Variants in MTHFS observed in about 807,000 individuals in gnomAD.
MTHFS encodes 5-formyltetrahydrofolate cyclo-ligase.
In MTHFS, 7 loss-of-function variants were observed where a neutral mutation model predicts 12.7. That is an observed-to-expected ratio of 0.55 (90% confidence interval 0.31 to 1.03). MTHFS has a LOEUF of 1.03. MTHFS is among the 50% of genes least tolerant of loss of function. MTHFS has a pLI of 0.05. For synonymous variants in MTHFS, 100 were observed against 97.1 expected, an observed-to-expected ratio of 1.03 and a Z score of -0.18; for missense variants, 252 against 258.1, an observed-to-expected ratio of 0.98 and a Z score of 0.16.
intron 2 of MTHFS, among the ~76,000 whole-genome samples, chr15:79,875,140 G>A (rs2034169358): frequency 6.6e-6 from 1 of 152,068 alleles, no homozygotes. Context: ...AGTAAAGACA[G>A]GTGTAAGAAA....
intron 2 of MTHFS, among the ~76,000 whole-genome samples, chr15:79,885,568 A>C (rs770554172): frequency 5.3e-5 from 8 of 152,160 alleles, no homozygotes; most frequent in African/African-American, 7.2e-5. Context: ...GTCAATCCGC[A>C]CTTCTTTTCT....
At chr15:79,882,862 A>AG (rs2141371403) in intron 2 of MTHFS, among the ~76,000 whole-genome samples, 1 of 152,346 alleles carries the variant, frequency 6.6e-6, no homozygotes, top group South Asian at 2.1e-4. Flanking sequence ...TTATTCCCCC[A>AG]GGCAGGCCCA....
intron 1 of MTHFS, among the ~76,000 whole-genome samples, chr15:79,893,090 G>C (rs2034502286): frequency 6.6e-6 from 1 of 152,010 alleles, no homozygotes; most frequent in South Asian, 2.1e-4. Flanking sequence ...ACTCATTATA[G>C]TTACAGAACA....
chr15:79,856,997 CTTT>C (rs558340769), intron 2 of MTHFS, among the ~76,000 whole-genome samples: 2 of 131,140 alleles, frequency 1.5e-5, no homozygotes, highest in Admixed American at 7.6e-5. Flanking sequence ...CGCAAAGTCA[CTTT>C]TTTTTTTTTT....
chr15:79,855,688 G>A (rs993989336), intron 2 of MTHFS, among the ~76,000 whole-genome samples: 2 of 151,974 alleles, frequency 1.3e-5, no homozygotes, highest in African/African-American at 4.8e-5. Flanking sequence ...CCTCAAGGAG[G>A]CCTCAGTGTC....
intron 2 of MTHFS, among the ~76,000 whole-genome samples, chr15:79,885,029 G>T (rs957003917): frequency 1.3e-5 from 2 of 152,194 alleles, no homozygotes; most frequent in Middle Eastern, 3.2e-3. Flanking sequence ...AGGATATCAT[G>T]ACTCCATCAA....
At chr15:79,896,197 G>A (rs62028021) in intron 1 of MTHFS, among the ~76,000 whole-genome samples, 11,136 of 152,244 alleles carry the variant, frequency 0.073, 450 homozygotes, top group Non-Finnish European at 0.088. Flanking sequence ...GGATATGATA[G>A]CCAAGTCTTC....
chr15:79,859,251 T>A (rs1008347483), intron 2 of MTHFS, among the ~76,000 whole-genome samples: 2 of 152,220 alleles, frequency 1.3e-5, no homozygotes, highest in Non-Finnish European at 2.9e-5. Flanking sequence ...AAAATAAATT[T>A]AGAATAGTCA....
At chr15:79,880,791 C>CAAAAA in intron 2 of MTHFS, among the ~76,000 whole-genome samples, 1 of 106,742 alleles carries the variant, frequency 9.4e-6, no homozygotes. Flanking sequence ...AGTAGTAAAG[C>CAAAAA]AAAAAAAAAA....
chr15:79,889,230 G>A lies in MTHFS; in HGVS notation c.242C>T (p.Pro81Leu), dbSNP rs750049871. Residue 81 changes from proline to leucine, a missense_variant, in exon 2 of 3, where the codon CCT (proline) becomes CTT (leucine). By Grantham distance (98) the Pro-to-Leu change is moderately conservative (BLOSUM62 -3). Transcript: ENST00000258874. ...GTGATTGCTCTGGAACCGGTACCGA[G>A]GGATGAAGCAGATTTTGCCTCGTTG... ...IFQRGKICFI[P>L]RYRFQSNHMD... The A allele has an allele frequency of 1.2e-6, 2 of 1,614,150 alleles. No homozygotes were observed. The highest frequency in any genetic ancestry group is 1.7e-6 in the Non-Finnish European group (2 of 1,180,034).
At chr15:79,895,390 C>G (rs16971515) in intron 1 of MTHFS, among the ~76,000 whole-genome samples, 1 of 152,004 alleles carries the variant, frequency 6.6e-6, no homozygotes, top group Non-Finnish European at 1.5e-5. Context: ...TGGTGTTTAC[C>G]TTTATCATAT....
intron 2 of MTHFS, among the ~76,000 whole-genome samples, chr15:79,872,001 G>C (rs1358261657): frequency 6.7e-6 from 1 of 150,346 alleles, no homozygotes; most frequent in Non-Finnish European, 1.5e-5. Flanking sequence ...GCTACTAGGG[G>C]TGCTGAGGCA....
intron 2 of MTHFS, among the ~76,000 whole-genome samples, chr15:79,866,347 G>C (rs1296470690): frequency 6.6e-6 from 1 of 152,160 alleles, no homozygotes; most frequent in African/African-American, 2.4e-5. Flanking sequence ...TTACCTGATG[G>C]AAGAGTTTGA....
At position 79,844,945 on chromosome 15, in the gene MTHFS, C is replaced by CA. The variant is rs1458132954; in HGVS notation, c.*264dup. The CA allele has an allele frequency of 4.1e-6, 2 of 489,678 alleles. No homozygotes were observed. The highest frequency in any genetic ancestry group is 3.9e-5 in the African/African-American group (2 of 51,456). The allele number at this position is 489,678 out of a possible 1,614,324, so 30.3% of individuals were successfully genotyped here. On this transcript the variant is annotated 3_prime_UTR_variant, in exon 3 of 3. Transcript: ENST00000258874. ...TATTTAACTTAAATTGCAAAGTAGA[C>CA]AGATCAACTTGTCACATTAACACCA...
intron 2 of MTHFS, among the ~76,000 whole-genome samples, chr15:79,878,375 C>A (rs187646722): frequency 8.4e-4 from 127 of 151,776 alleles, no homozygotes; most frequent in African/African-American, 3.0e-3. Flanking sequence ...GATGGGCTAA[C>A]TTGAGTCAAG....
At chr15:79,854,228 G>A (rs1005585090) in intron 2 of MTHFS, among the ~76,000 whole-genome samples, 8 of 152,226 alleles carry the variant, frequency 5.3e-5, no homozygotes, top group Non-Finnish European at 1.5e-5. Context: ...AACTAGAAAA[G>A]ATTAATAAAG....
At chr15:79,884,322 G>A (rs2034346799) in intron 2 of MTHFS, among the ~76,000 whole-genome samples, 1 of 152,188 alleles carries the variant, frequency 6.6e-6, no homozygotes, top group Admixed American at 6.5e-5. Flanking sequence ...AAGATAGAGA[G>A]GGAGGTCAGA....
intron 1 of MTHFS, among the ~76,000 whole-genome samples, chr15:79,895,503 T>C (rs888137029): frequency 4.6e-5 from 7 of 152,226 alleles, no homozygotes; most frequent in Non-Finnish European, 1.5e-5. Flanking sequence ...CAACCCAGTA[T>C]ATAGCCAAGT....
chr15:79,850,996 A>C (rs1369624196), intron 2 of MTHFS, among the ~76,000 whole-genome samples: 1 of 152,154 alleles, frequency 6.6e-6, no homozygotes, highest in African/African-American at 2.4e-5. Flanking sequence ...TTCAGAATAT[A>C]ATCAGTTCAG....
Sources: allele counts gnomAD v4.1 joint callset (sites outside exome capture counted in the v4.1 genomes callset), GRCh38; gene constraint gnomAD v4.1.1; transcripts MANE v1.5; gene names NCBI Gene and HGNC (gene_info 2026-07-23, HGNC 2026-07-21).